The following FAAH2 variants were observed in gnomAD, a reference collection of about 807,000 sequenced individuals.
FAAH2 encodes fatty-acid amide hydrolase 2.
Under a neutral mutation model 36.9 loss-of-function variants are expected in FAAH2, and 60 were observed. The observed-to-expected ratio is 1.63, with a 90% confidence interval of 1.32 to 2.02. FAAH2 has a LOEUF of 2.02. Ranked by LOEUF, FAAH2 falls within the 30% of genes most tolerant of loss-of-function variation. The pLI is 0.00. For missense variants in FAAH2, 689 were observed against 397.5 expected (o/e 1.73, Z -6.23); for synonymous variants, 214 against 143.8 (o/e 1.49, Z -3.49).
intron 7 of FAAH2, among the ~76,000 whole-genome samples, chrX:57,428,628 G>A (rs1051069579): frequency 2.7e-5 from 3 of 111,934 alleles, no homozygotes; most frequent in Non-Finnish European, 3.8e-5. Flanking sequence ...GTCAACAAAA[G>A]ATAGGCTGTG....
chrX:57,395,731 G>A (rs963261043), intron 7 of FAAH2, among the ~76,000 whole-genome samples: 1 of 111,699 alleles, frequency 9.0e-6, no homozygotes, highest in African/African-American at 3.3e-5. Flanking sequence ...ATGGCTTGAT[G>A]TACTGTTTGT....
At chrX:57,215,833 A>G in the FAAH2 span, among the ~76,000 whole-genome samples, 6 of 106,590 alleles carry the variant, frequency 5.6e-5, no homozygotes. Context: ...GGGCAAGGGG[A>G]AGGAGAGCAT....
the FAAH2 span, among the ~76,000 whole-genome samples, chrX:57,185,449 G>A: frequency 1.8e-5 from 2 of 109,627 alleles, no homozygotes; most frequent in Admixed American, 9.8e-5. Context: ...AATCCATTGT[G>A]TAGAAGTACC....
chrX:57,227,595 G>A, the FAAH2 span, among the ~76,000 whole-genome samples: 2 of 111,521 alleles, frequency 1.8e-5, no homozygotes, highest in Non-Finnish European at 3.8e-5. Flanking sequence ...AGTTTTGGTG[G>A]TATAATGGCC....
chrX:57,171,217 C>T, the FAAH2 span, among the ~76,000 whole-genome samples: 2 of 111,674 alleles, frequency 1.8e-5, no homozygotes, highest in South Asian at 3.7e-4. Context: ...CTGTGATAAA[C>T]ATACACATAC....
chrX:57,414,153 C>T (rs766229286), intron 7 of FAAH2, among the ~76,000 whole-genome samples: 1 of 111,911 alleles, frequency 8.9e-6, no homozygotes, highest in Non-Finnish European at 1.9e-5. Flanking sequence ...ATGTCATCTG[C>T]AAACAGAGAC....
the FAAH2 span, among the ~76,000 whole-genome samples, chrX:57,262,209 TGACACATTGGTGAGTATACTG>T: frequency 4.5e-5 from 5 of 111,516 alleles, no homozygotes; most frequent in Non-Finnish European, 9.4e-5. Flanking sequence ...ACCTGAGTAA[TGACACATTGGTGAGTATACTG>T]GTGTGTTGTT....
At chrX:57,469,283 T>A (rs1166344963) in intron 10 of FAAH2, among the ~76,000 whole-genome samples, 2 of 111,889 alleles carry the variant, frequency 1.8e-5, no homozygotes, top group African/African-American at 3.2e-5. Context: ...TAAACGCTCC[T>A]ATTAAAAGAC....
chrX:57,179,589 C>T, the FAAH2 span, among the ~76,000 whole-genome samples: 1 of 111,773 alleles, frequency 8.9e-6, no homozygotes, highest in African/African-American at 3.3e-5. Flanking sequence ...CACATATGCA[C>T]CCAATACAGG....
chrX:57,380,884 A>C (rs757262021), intron 6 of FAAH2, 28 bp from the exon 7 acceptor site: 1 of 927,212 alleles, frequency 1.1e-6, no homozygotes. Flanking sequence ...TAATTTGTTG[A>C]TGTCAGTTTC....
At position 57,392,742 on chromosome X, in the gene FAAH2, G is replaced by A. The variant is rs1212011432; in HGVS notation, c.996+11713G>A. The A allele has an allele frequency of 3.1e-4, 190 of 611,162 alleles. 1 individual carries two copies. In the South Asian group the frequency reaches 3.5e-3, roughly 11 times the overall value. 50.4% of individuals were successfully genotyped at this position (611,162 alleles called of 1,213,427 possible). A position where few individuals can be genotyped will look rare whatever the true frequency, so the allele number is the denominator to read the frequency against. On this transcript the variant is annotated intron_variant, in intron 7 of 10. Transcript: ENST00000374900. ...CATTGTGCTCATCGTTCCTACTAAA[G>A]GGTACAGAAAACCAGCCCCGATGCT... is the stretch of plus-strand genomic sequence containing the variant.
intron 10 of FAAH2, among the ~76,000 whole-genome samples, chrX:57,459,977 A>G (rs1183834791): frequency 1.8e-5 from 2 of 111,760 alleles, no homozygotes; most frequent in African/African-American, 3.3e-5. Context: ...CAAGGGCACA[A>G]AAATGCATGC....
At chrX:57,174,513 A>G in the FAAH2 span, among the ~76,000 whole-genome samples, 4 of 111,878 alleles carry the variant, frequency 3.6e-5, no homozygotes, top group South Asian at 7.3e-4. Flanking sequence ...ATGGTCTACC[A>G]ATTTTGTTTA....
chrX:57,274,753 T>A, the FAAH2 span, among the ~76,000 whole-genome samples: 1 of 111,718 alleles, frequency 9.0e-6, no homozygotes, highest in Non-Finnish European at 1.9e-5. Flanking sequence ...ATGGAACATA[T>A]CTCAAAATAA....
chrX:57,469,726 A>T (rs2057123684), intron 10 of FAAH2, among the ~76,000 whole-genome samples: 1 of 111,683 alleles, frequency 9.0e-6, no homozygotes, highest in Non-Finnish European at 1.9e-5. Flanking sequence ...CAGTAATTGA[A>T]CTCAGCTCTG....
At chrX:57,432,080 ACATTTAT>A in intron 8 of FAAH2, 43 bp downstream of exon 8, 1 of 1,097,223 alleles carries the variant, frequency 9.1e-7, no homozygotes, top group South Asian at 2.1e-5. Context: ...CTTTGTGTAA[ACATTTAT>A]TGAGCTTCTA....
chrX:57,478,383 A>G (rs1166785214), intron 10 of FAAH2, among the ~76,000 whole-genome samples: 1 of 110,842 alleles, frequency 9.0e-6, no homozygotes, highest in Non-Finnish European at 1.9e-5. Context: ...TAGATTCTGG[A>G]TATTAGCCCT....
intron 10 of FAAH2, among the ~76,000 whole-genome samples, chrX:57,464,518 C>CAAAAAAAAAAAAAAAAAAAAAA (rs5902566): frequency 1.6e-5 from 1 of 60,984 alleles, no homozygotes; most frequent in Admixed American, 2.1e-4. Flanking sequence ...ATAGCAATTG[C>CAAAAAAAAAAAAAAAAAAAAAA]AAAAAAAAAA....
At chrX:57,479,153 T>G (rs1170891688) in intron 10 of FAAH2, among the ~76,000 whole-genome samples, 2 of 111,532 alleles carry the variant, frequency 1.8e-5, no homozygotes, top group Non-Finnish European at 3.8e-5. Flanking sequence ...TTGTATCCTC[T>G]TTTATTTCAT....
Sources: allele counts gnomAD v4.1 joint callset (sites outside exome capture counted in the v4.1 genomes callset), GRCh38; gene constraint gnomAD v4.1.1; transcripts MANE v1.5; gene names NCBI Gene and HGNC (gene_info 2026-07-23, HGNC 2026-07-21).